PARD3: variants seen among roughly 807,000 people sequenced by gnomAD.
The protein encoded by PARD3 is par-3 family cell polarity regulator, also known as partitioning defective 3 homolog.
PARD3 carries 75 observed loss-of-function variants against 155.4 expected under a neutral mutation model. The observed-to-expected ratio is 0.48, with a 90% CI of 0.40 to 0.58. PARD3 has a LOEUF of 0.58. Ranked by LOEUF, PARD3 falls within the 20% of genes least tolerant of loss-of-function variation. The pLI is 0.00. For missense variants in PARD3, 1,642 were observed against 1,721.7 expected (o/e 0.95, Z 0.82); for synonymous variants, 576 against 610.5 (o/e 0.94, Z 0.83).
intron 20 of PARD3, among the ~76,000 whole-genome samples, chr10:34,288,204 T>C (rs566049406): frequency 6.6e-6 from 1 of 152,110 alleles, no homozygotes; most frequent in Admixed American, 6.5e-5. Context: ...GAGTAAGACC[T>C]TGTCTCAAAA....
chr10:34,207,742 T>G (rs1951546729), intron 22 of PARD3, among the ~76,000 whole-genome samples: 1 of 152,224 alleles, frequency 6.6e-6, no homozygotes, highest in African/African-American at 2.4e-5. Flanking sequence ...ACCAAGAGTT[T>G]CGTTTTAAAT....
intron 3 of PARD3, among the ~76,000 whole-genome samples, chr10:34,481,857 G>A (rs2079100320): frequency 6.6e-6 from 1 of 151,704 alleles, no homozygotes; most frequent in Admixed American, 6.6e-5. Context: ...ATTTGAGACA[G>A]GGTCTTGCTC....
intron 1 of PARD3, among the ~76,000 whole-genome samples, chr10:34,722,861 T>C (rs1418097975): frequency 5.3e-5 from 8 of 152,160 alleles, no homozygotes; most frequent in Non-Finnish European, 1.0e-4. Context: ...TATTTACCAG[T>C]GTAACTATCT....
intron 22 of PARD3, among the ~76,000 whole-genome samples, chr10:34,132,931 G>A (rs1016215684): frequency 6.6e-6 from 1 of 152,132 alleles, no homozygotes; most frequent in Non-Finnish European, 1.5e-5. Flanking sequence ...GCATCTGAAT[G>A]TCAAGAGGAG....
intron 7 of PARD3, among the ~76,000 whole-genome samples, chr10:34,394,860 G>A (rs1003876956): frequency 6.6e-6 from 1 of 151,354 alleles, no homozygotes; most frequent in African/African-American, 2.4e-5. Flanking sequence ...CTCCTGTGCT[G>A]ATTACGCTTC....
At chr10:34,574,891 T>G (rs2086765612) in intron 2 of PARD3, among the ~76,000 whole-genome samples, 1 of 152,254 alleles carries the variant, frequency 6.6e-6, no homozygotes, top group African/African-American at 2.4e-5. Flanking sequence ...ATTCTGGCAC[T>G]ACTTGCACTA....
chr10:34,793,778 CA>C (rs113341656), intron 1 of PARD3, among the ~76,000 whole-genome samples: 50,656 of 130,542 alleles, frequency 0.39, 9,555 homozygotes, highest in African/African-American at 0.57. Context: ...AACTCCATCT[CA>C]AAAAAAAAAA....
intron 1 of PARD3, among the ~76,000 whole-genome samples, chr10:34,785,445 T>C (rs1192973457): frequency 2.0e-5 from 3 of 152,186 alleles, no homozygotes; most frequent in Non-Finnish European, 2.9e-5. Context: ...CATACTTTTT[T>C]TTTTTAGAAA....
chr10:34,677,994 C>A (rs1012383725), intron 2 of PARD3, among the ~76,000 whole-genome samples: 2 of 151,636 alleles, frequency 1.3e-5, no homozygotes, highest in African/African-American at 4.9e-5. Context: ...GATTGTATAG[C>A]CTAAACTTAC....
chr10:34,797,846 T>C (rs1406541314), intron 1 of PARD3, among the ~76,000 whole-genome samples: 2 of 152,148 alleles, frequency 1.3e-5, no homozygotes, highest in Non-Finnish European at 2.9e-5. Flanking sequence ...TCATTTAGAG[T>C]CAACAGCTAA....
At chr10:34,336,989 T>TACAAAA (rs1836261099) in intron 17 of PARD3, among the ~76,000 whole-genome samples, 1 of 152,140 alleles carries the variant, frequency 6.6e-6, no homozygotes, top group Non-Finnish European at 1.5e-5. Context: ...AACATTTCAT[T>TACAAAA]TTGTAAAATA....
chr10:34,739,919 A>G lies in PARD3; in HGVS notation c.121-43500T>C, dbSNP rs138960934. Among the ~76,000 whole-genome samples the G allele has an allele frequency of 5.5e-3, 839 of 152,312 alleles. 6 individuals are homozygous for G. Among genetic ancestry groups the G allele is most frequent in the African/African-American group, 0.019 (800 of 41,560 alleles). The stretch of plus-strand genomic sequence containing the variant: ...TCTCTGTCAAAGAAAGGGAGAAAGG[A>G]TAAGTCAGGAGGAGGGCAGAACCAG... On this transcript the variant is annotated intron_variant, in intron 1 of 24. Coordinates refer to ENST00000374788, the MANE Select transcript of PARD3 (RefSeq NM_001184785.2).
intron 2 of PARD3, among the ~76,000 whole-genome samples, chr10:34,650,841 G>A (rs1229447369): frequency 3.3e-5 from 5 of 151,746 alleles, no homozygotes; most frequent in East Asian, 1.9e-4. Context: ...GAGAAATCTC[G>A]TCCCTACTAA....
intron 1 of PARD3, among the ~76,000 whole-genome samples, chr10:34,698,014 A>G (rs1201932186): frequency 6.6e-6 from 1 of 152,124 alleles, no homozygotes; most frequent in Non-Finnish European, 1.5e-5. Flanking sequence ...CTGGGGGTGA[A>G]TAAGAAAGAG....
intron 3 of PARD3, among the ~76,000 whole-genome samples, chr10:34,496,547 T>C (rs2080301820): frequency 6.6e-6 from 1 of 152,190 alleles, no homozygotes; most frequent in Non-Finnish European, 1.5e-5. Context: ...ATTAAGACTC[T>C]ACATCCACCT....
At chr10:34,150,312 G>A (rs1308610487) in intron 22 of PARD3, among the ~76,000 whole-genome samples, 1 of 152,134 alleles carries the variant, frequency 6.6e-6, no homozygotes, top group Admixed American at 6.5e-5. Context: ...GGAGAGAAGT[G>A]AAACTGAAGA....
At chr10:34,510,793 T>C (rs1237116895) in intron 3 of PARD3, among the ~76,000 whole-genome samples, 1 of 152,178 alleles carries the variant, frequency 6.6e-6, no homozygotes, top group Non-Finnish European at 1.5e-5. Context: ...CCCTAGCCTG[T>C]ACTATTCTGA....
At chr10:34,344,521 A>T in intron 15 of PARD3, 2 of 866,560 alleles carry the variant, frequency 2.3e-6, no homozygotes, top group Non-Finnish European at 1.4e-6. Flanking sequence ...ACCTCAGTTG[A>T]TCCACCTGCC....
chr10:34,609,119 T>C (rs2090691401), intron 2 of PARD3, among the ~76,000 whole-genome samples: 1 of 152,218 alleles, frequency 6.6e-6, no homozygotes, highest in South Asian at 2.1e-4. Flanking sequence ...ATTCGACTAA[T>C]TTTGGACTCA....
Sources: allele counts gnomAD v4.1 joint callset (sites outside exome capture counted in the v4.1 genomes callset), GRCh38; gene constraint gnomAD v4.1.1; transcripts MANE v1.5; gene names NCBI Gene and HGNC (gene_info 2026-07-23, HGNC 2026-07-21).